Variants in COX7B2 observed in about 807,000 individuals in gnomAD.
COX7B2 encodes cytochrome c oxidase subunit 7B2, also known as cytochrome c oxidase subunit 7B2, mitochondrial.
For synonymous variants in COX7B2, 37 were observed against 32.1 expected, an observed-to-expected ratio of 1.15 and a Z score of -0.51; for missense variants, 109 against 95.9, an observed-to-expected ratio of 1.14 and a Z score of -0.57.
intron 2 of COX7B2, among the ~76,000 whole-genome samples, chr4:46,759,855 T>G (rs952040126): frequency 6.7e-6 from 1 of 149,772 alleles, no homozygotes; most frequent in Non-Finnish European, 1.5e-5. Context: ...ATAAGTCATA[T>G]CTTATATAAG....
intron 2 of COX7B2, among the ~76,000 whole-genome samples, chr4:46,754,728 GTATATATATA>G (rs56248005): frequency 2.3e-4 from 9 of 39,868 alleles, no homozygotes; most frequent in Middle Eastern, 0.013. Context: ...GTGTGTGTGT[GTATATATATA>G]TATATATATA....
rs1294892474 is a variant in COX7B2, at chr4:46,889,964, A to G, written c.-105+19196T>C. On this transcript the variant is annotated intron_variant, in intron 1 of 2. Transcript: ENST00000355591. ...CTGGGTTACTTTTATTATGAGGGAAAAAAAATGACTTATCCAAAAAAGAAA... is the reference window on the plus strand; with the variant it reads ...CTGGGTTACTTTTATTATGAGGGAAGAAAAATGACTTATCCAAAAAAGAAA... 7.9e-5 allele frequency among the ~76,000 whole-genome samples: 12 copies of G among 152,042 alleles called. No individual in the cohort carries two copies. The East Asian group carries it at 2.1e-3, about 27-fold the overall frequency.
chr4:46,763,231 A>ATT (rs1214945138), intron 2 of COX7B2, among the ~76,000 whole-genome samples: 1 of 140,774 alleles, frequency 7.1e-6, no homozygotes, highest in Non-Finnish European at 1.5e-5. Flanking sequence ...ATTCATATAT[A>ATT]TTATATATAT....
At chr4:46,765,194 T>C (rs759124985) in intron 2 of COX7B2, among the ~76,000 whole-genome samples, 5 of 151,988 alleles carry the variant, frequency 3.3e-5, no homozygotes, top group Non-Finnish European at 5.9e-5. Context: ...TCAAGTGAGA[T>C]ATCAGAGCAC....
chr4:46,809,516 A>G (rs1242049893), intron 2 of COX7B2, among the ~76,000 whole-genome samples: 1 of 151,444 alleles, frequency 6.6e-6, no homozygotes, highest in Non-Finnish European at 1.5e-5. Flanking sequence ...TTATCTTTTG[A>G]TTTCTTCTTC....
At chr4:46,813,432 TAGATCACTCAGATTATATCA>T (rs1719387060) in intron 2 of COX7B2, among the ~76,000 whole-genome samples, 1 of 152,050 alleles carries the variant, frequency 6.6e-6, no homozygotes, top group Admixed American at 6.6e-5. Context: ...AAAGCAAACA[TAGATCACTCAGATTATATCA>T]AATGAAAAAG....
At chr4:46,809,008 G>T (rs1243830999) in intron 2 of COX7B2, among the ~76,000 whole-genome samples, 1 of 151,720 alleles carries the variant, frequency 6.6e-6, no homozygotes, top group Non-Finnish European at 1.5e-5. Flanking sequence ...TCATGTCTTT[G>T]TCTGACTTAG....
At chr4:46,863,027 G>A (rs918413268) in intron 1 of COX7B2, among the ~76,000 whole-genome samples, 5 of 152,078 alleles carry the variant, frequency 3.3e-5, no homozygotes, top group Non-Finnish European at 5.9e-5. Flanking sequence ...CTAACATCTG[G>A]TAAAGAGTTC....
intron 2 of COX7B2, among the ~76,000 whole-genome samples, chr4:46,836,249 T>C (rs1023732099): frequency 6.6e-6 from 1 of 152,186 alleles, no homozygotes; most frequent in African/African-American, 2.4e-5. Context: ...TTTCACTTTA[T>C]TGACTCCTTT....
intron 2 of COX7B2, among the ~76,000 whole-genome samples, chr4:46,764,254 A>G (rs1716389082): frequency 6.6e-6 from 1 of 152,226 alleles, no homozygotes; most frequent in Admixed American, 6.5e-5. Context: ...TATAAGAAGA[A>G]AATACTGGAG....
chr4:46,845,349 T>C (rs1716196736), intron 1 of COX7B2, among the ~76,000 whole-genome samples: 1 of 151,808 alleles, frequency 6.6e-6, no homozygotes, highest in African/African-American at 2.4e-5. Flanking sequence ...CAACCTCAAA[T>C]GGAAGGTTCT....
intron 2 of COX7B2, among the ~76,000 whole-genome samples, chr4:46,781,916 A>T (rs1717479697): frequency 6.6e-6 from 1 of 152,188 alleles, no homozygotes; most frequent in African/African-American, 2.4e-5. Context: ...CAGGACCTGC[A>T]GCCCTCCATG....
At chr4:46,809,544 G>A (rs1719181135) in intron 2 of COX7B2, among the ~76,000 whole-genome samples, 1 of 151,582 alleles carries the variant, frequency 6.6e-6, no homozygotes, top group Admixed American at 6.6e-5. Context: ...TGGTTGTTCA[G>A]GAACATGTCA....
At chr4:46,736,732 T>A (rs1383917026) in intron 2 of COX7B2, among the ~76,000 whole-genome samples, 1 of 152,142 alleles carries the variant, frequency 6.6e-6, no homozygotes, top group African/African-American at 2.4e-5. Context: ...CAGACTGGCT[T>A]CTTTCACTTC....
At chr4:46,850,400 G>A (rs1716597040) in intron 1 of COX7B2, among the ~76,000 whole-genome samples, 1 of 152,008 alleles carries the variant, frequency 6.6e-6, no homozygotes, top group Admixed American at 6.6e-5. Context: ...ATTAGGACAA[G>A]CTGGTGAGCA....
At chr4:46,841,155 A>AACTAAT in intron 2 of COX7B2, among the ~76,000 whole-genome samples, 1 of 152,110 alleles carries the variant, frequency 6.6e-6, no homozygotes, top group Non-Finnish European at 1.5e-5. Context: ...ACCTGATATT[A>AACTAAT]GTTCTATGCC....
chr4:46,890,374 A>T (rs765025690), intron 1 of COX7B2, among the ~76,000 whole-genome samples: 1 of 152,140 alleles, frequency 6.6e-6, no homozygotes, highest in African/African-American at 2.4e-5. Context: ...AGCAGATGGA[A>T]CCCCTAGAAC....
chr4:46,737,936 C>A (rs1714462298), intron 2 of COX7B2, among the ~76,000 whole-genome samples: 1 of 152,078 alleles, frequency 6.6e-6, no homozygotes, highest in African/African-American at 2.4e-5. Context: ...ACAAACAGGG[C>A]AACCAGAGCC....
chr4:46,750,239 CACACAT>C (rs1313670665), intron 2 of COX7B2, among the ~76,000 whole-genome samples: 2 of 145,292 alleles, frequency 1.4e-5, no homozygotes, highest in Non-Finnish European at 3.0e-5. Context: ...CACACACACA[CACACAT>C]TATCCAGGTG....
Sources: gnomAD v4.1 joint callset for allele counts (sites outside exome capture counted in the v4.1 genomes callset) on GRCh38, gnomAD v4.1.1 for gene constraint, MANE v1.5 for transcripts, NCBI Gene and HGNC (gene_info 2026-07-23, HGNC 2026-07-21) for gene names.